NUP205: variants seen among roughly 807,000 people sequenced by gnomAD.
The protein encoded by NUP205 is nucleoporin 205, also known as nuclear pore complex protein Nup205.
NUP205 carries 76 observed loss-of-function variants against 253.8 expected under a neutral mutation model. That is an observed-to-expected ratio of 0.30 (90% CI 0.25 to 0.36). The LOEUF is 0.36. Ranked by LOEUF, NUP205 falls within the 10% of genes least tolerant of loss-of-function variation. The pLI is 1.00. For synonymous variants in NUP205, 832 were observed against 850.1 expected (o/e 0.98, Z 0.37); for missense variants, 2,162 against 2,425.5 (o/e 0.89, Z 2.28).
At chr7:135,593,231 T>C in intron 12 of NUP205, 39 bp downstream of exon 12, 1 of 1,534,446 alleles carries the variant, frequency 6.5e-7, no homozygotes, top group East Asian at 2.2e-5. Context: ...ATTTTTATTA[T>C]AGCACAGTAG....
intron 35 of NUP205, among the ~76,000 whole-genome samples, chr7:135,632,898 A>C (rs146957481): frequency 6.6e-6 from 1 of 151,860 alleles, no homozygotes; most frequent in African/African-American, 2.4e-5. Flanking sequence ...CATCCTTTTT[A>C]ATTGACTGCC....
chr7:135,571,129 A>T lies in NUP205; in HGVS notation c.53A>T (p.Lys18Ile), dbSNP rs1805986159. The T allele has an allele frequency of 5.8e-6, 9 of 1,552,520 alleles. No individual in the cohort carries two copies. The highest frequency in any genetic ancestry group is 7.8e-6 in the Non-Finnish European group (9 of 1,149,662). Reference sequence around the variant, plus strand: ...GCTGCTAGTCTATGGGGTCCTTACAAAGACATTTGGCATAAAGTGGGAAAT... The same window carrying T: ...GCTGCTAGTCTATGGGGTCCTTACATAGACATTTGGCATAAAGTGGGAAAT... Reference protein sequence around the residue: ...NSAASLWGPYKDIWHKVGNAL... With the variant: ...NSAASLWGPYIDIWHKVGNAL... The change falls in exon 2 of 43, where the codon AAA becomes ATA. Residue 18 changes from lysine (K) to isoleucine (I), a missense_variant. Lys to Ile is a moderately radical substitution (Grantham distance 102). This residue lies in a region of NUP205 where 109 missense variants were observed against 131.8 expected (regional missense o/e 0.83). Transcript: ENST00000285968.
intron 23 of NUP205, 24 bp downstream of exon 23, chr7:135,614,297 T>C (rs1794305796): frequency 8.6e-7 from 1 of 1,160,338 alleles, no homozygotes; most frequent in Non-Finnish European, 1.3e-6. Flanking sequence ...TTCCCGTATT[T>C]ATAAGAACAC....
At chr7:135,574,018 G>A (rs1258560552) in intron 3 of NUP205, among the ~76,000 whole-genome samples, 193 bp downstream of exon 3, 1 of 151,948 alleles carries the variant, frequency 6.6e-6, no homozygotes, top group African/African-American at 2.4e-5. Context: ...TGTTGCCCAG[G>A]CTGGAGTGCA....
At chr7:135,615,021 C>T (rs1234089221) in intron 23 of NUP205, among the ~76,000 whole-genome samples, 1 of 152,270 alleles carries the variant, frequency 6.6e-6, no homozygotes, top group East Asian at 1.9e-4. Flanking sequence ...AGGTTTTTCA[C>T]TCTATTTTCA....
At chr7:135,626,433 C>T in intron 33 of NUP205, 72 bp downstream of exon 33, 1 of 1,513,346 alleles carries the variant, frequency 6.6e-7, no homozygotes, top group South Asian at 1.2e-5. Flanking sequence ...AAATTCCAAA[C>T]ATAATTTTGC....
intron 1 of NUP205, among the ~76,000 whole-genome samples, chr7:135,567,178 A>G (rs189674059): frequency 0.013 from 1,463 of 109,894 alleles, 31 homozygotes; most frequent in Middle Eastern, 0.026. Context: ...ATATATATAT[A>G]TATGTATATA....
At chr7:135,615,776 T>G in intron 23 of NUP205, 140 bp from the exon 24 acceptor site, 2 of 461,706 alleles carry the variant, frequency 4.3e-6, no homozygotes, top group Non-Finnish European at 7.3e-6. Context: ...TTTTACAGAG[T>G]GAGAAATTAT....
intron 20 of NUP205, 56 bp downstream of exon 20, chr7:135,606,282 A>C (rs1794084764): frequency 9.0e-7 from 1 of 1,106,082 alleles, no homozygotes; most frequent in Non-Finnish European, 1.4e-6. Flanking sequence ...TATATGCTTA[A>C]TTTAAAGAAA....
intron 22 of NUP205, among the ~76,000 whole-genome samples, chr7:135,608,887 G>C (rs184646157): frequency 6.6e-6 from 1 of 151,860 alleles, no homozygotes; most frequent in Non-Finnish European, 1.5e-5. Context: ...GATCACCTGA[G>C]GTTAGGAGTT....
chr7:135,590,353 A>T (rs1806593362), intron 10 of NUP205, among the ~76,000 whole-genome samples: 1 of 141,886 alleles, frequency 7.0e-6, no homozygotes, highest in African/African-American at 2.6e-5. Flanking sequence ...ACCTCAGGTG[A>T]TCCACCCACC....
intron 11 of NUP205, among the ~76,000 whole-genome samples, chr7:135,591,880 T>G (rs1420281126): frequency 6.6e-6 from 1 of 152,102 alleles, no homozygotes; most frequent in Non-Finnish European, 1.5e-5. Flanking sequence ...ACACATCTGG[T>G]CCACAAAAAA....
intron 2 of NUP205, 96 bp from the exon 3 acceptor site, chr7:135,573,558 A>C: frequency 1.3e-6 from 1 of 789,736 alleles, no homozygotes; most frequent in Non-Finnish European, 2.0e-6. Context: ...TCATGTTACC[A>C]GGCTGAATTA....
rs6972359 is a variant in NUP205, at chr7:135,625,457, A to G, written c.4671+102A>G. The G allele has an allele frequency of 0.44, 383,607 of 872,400 alleles. 87,568 individuals carry two copies. The highest frequency in any genetic ancestry group is 0.59 in the Middle Eastern group (1,775 of 3,000). 54.0% of individuals were successfully genotyped at this position (872,400 alleles called of 1,614,324 possible). ...TGTGGCATACATTCTGAATATTTCTATCATAAGCTGGAATCCTTTTTTAAG... is the reference window on the plus strand; with the variant it reads ...TGTGGCATACATTCTGAATATTTCTGTCATAAGCTGGAATCCTTTTTTAAG... On this transcript the variant is annotated intron_variant, in intron 32 of 42. Transcript: ENST00000285968.
chr7:135,573,974 C>T (rs751679184), intron 3 of NUP205, 149 bp downstream of exon 3: 5 of 710,952 alleles, frequency 7.0e-6, no homozygotes, highest in Non-Finnish European at 8.9e-6. Context: ...CTTTTTTAAT[C>T]TTTGTTGTTT....
rs553995000 is a variant in NUP205 at position 135,596,825 on chromosome 7, C to T, written c.2014-543C>T. Among the ~76,000 whole-genome samples the T allele has an allele frequency of 5.3e-4, 81 of 151,690 alleles. 1 individual carries two copies. Among genetic ancestry groups the T allele is most frequent in the East Asian group, 1.9e-4 (1 of 5,144 alleles). ...AAAAAAAATTAGCTGGGCATGGTGG[C>T]GCACGTCTGTAATCCCAGCTACTCT... On this transcript the variant is annotated intron_variant, in intron 13 of 42. Transcript: ENST00000285968.
intron 34 of NUP205, among the ~76,000 whole-genome samples, chr7:135,628,326 AG>A (rs1346507194): frequency 6.6e-6 from 1 of 152,148 alleles, no homozygotes; most frequent in Non-Finnish European, 1.5e-5. Context: ...GCTAATTAAT[AG>A]AATCATAAGA....
rs527756333 is a variant in NUP205, at chr7:135,578,188, A to G, written c.877+164A>G. 5.3e-5 allele frequency among the ~76,000 whole-genome samples: 8 copies of G among 152,356 alleles called. No homozygotes were observed. The East Asian group carries it at 1.5e-3, about 29-fold the overall frequency. ...TTTATATATAAGATCACATTTAAAA[A>G]ACAGCTGCAGTCCTGTTAATTATTT... On this transcript the variant is annotated intron_variant, in intron 6 of 42. Transcript: ENST00000285968.
intron 10 of NUP205, among the ~76,000 whole-genome samples, chr7:135,590,842 A>C (rs529080343): frequency 6.6e-6 from 1 of 152,284 alleles, no homozygotes; most frequent in Non-Finnish European, 1.5e-5. Context: ...AACCATTTTT[A>C]AACCTAGCTG....
Sources: gnomAD v4.1 joint callset for allele counts (sites outside exome capture counted in the v4.1 genomes callset) on GRCh38, gnomAD v4.1.1 for gene constraint, gnomAD v4.1.1 regional missense constraint, MANE v1.5 for transcripts, NCBI Gene and HGNC (gene_info 2026-07-23, HGNC 2026-07-21) for gene names.